Variants in GNA14 observed in about 807,000 individuals in gnomAD.
GNA14 encodes the protein G protein subunit alpha 14.
Under a neutral mutation model 42.0 loss-of-function variants are expected in GNA14, and 50 were observed. The observed-to-expected ratio is 1.19, with a 90% CI of 0.95 to 1.51. The LOEUF (loss-of-function observed/expected upper bound fraction) is 1.51, where lower values mean the gene tolerates loss of function less well. GNA14 is among the 40% of genes most tolerant of loss of function. GNA14 has a pLI of 0.00. For missense variants in GNA14, 473 were observed against 446.2 expected (o/e 1.06, Z -0.54); for synonymous variants, 173 against 163.1 (o/e 1.06, Z -0.46).
intron 2 of GNA14, among the ~76,000 whole-genome samples, chr9:77,512,392 T>C (rs1178453877): frequency 6.6e-6 from 1 of 152,218 alleles, no homozygotes; most frequent in Non-Finnish European, 1.5e-5. Flanking sequence ...TTATGTTTAA[T>C]GTTTTAATAA....
At chr9:77,488,106 TGA>T (rs1308567481) in intron 2 of GNA14, among the ~76,000 whole-genome samples, 1 of 152,106 alleles carries the variant, frequency 6.6e-6, no homozygotes, top group Admixed American at 6.5e-5. Context: ...TCACTCCACC[TGA>T]GAGAACAAAA....
intron 3 of GNA14, 93 bp downstream of exon 3, chr9:77,434,275 G>T (rs774600199): frequency 8.6e-5 from 102 of 1,186,842 alleles, no homozygotes; most frequent in Admixed American, 3.2e-4. Flanking sequence ...ACTGTGCACC[G>T]CATTTCAGCA....
intron 2 of GNA14, among the ~76,000 whole-genome samples, chr9:77,527,514 G>A (rs1452268661): frequency 6.6e-6 from 1 of 152,158 alleles, no homozygotes; most frequent in Non-Finnish European, 1.5e-5. Context: ...AAGCTCATCA[G>A]CTATTGTTAG....
At chr9:77,572,010 C>A (rs942944655) in intron 1 of GNA14, among the ~76,000 whole-genome samples, 1 of 151,862 alleles carries the variant, frequency 6.6e-6, no homozygotes, top group African/African-American at 2.4e-5. Flanking sequence ...TGGTTTCTAG[C>A]GATTTCAATT....
chr9:77,543,758 T>C (rs554710013), intron 1 of GNA14, among the ~76,000 whole-genome samples: 1 of 152,306 alleles, frequency 6.6e-6, no homozygotes, highest in Non-Finnish European at 1.5e-5. Flanking sequence ...TTCCCGTCAC[T>C]TCTCTGTTGA....
At chr9:77,453,056 C>T (rs1835943722) in intron 2 of GNA14, among the ~76,000 whole-genome samples, 3 of 152,186 alleles carry the variant, frequency 2.0e-5, no homozygotes, top group African/African-American at 7.2e-5. Context: ...AGGAGGATGG[C>T]GTCAGCCCAA....
chr9:77,516,314 C>T (rs1837256758), intron 2 of GNA14, among the ~76,000 whole-genome samples: 1 of 152,100 alleles, frequency 6.6e-6, no homozygotes, highest in African/African-American at 2.4e-5. Flanking sequence ...GTCTAAGTTT[C>T]CTAGGTGAAA....
chr9:77,568,119 G>C (rs2131794131), intron 1 of GNA14, among the ~76,000 whole-genome samples: 1 of 152,236 alleles, frequency 6.6e-6, no homozygotes, highest in African/African-American at 2.4e-5. Flanking sequence ...TCCCAGAGCA[G>C]GTCCTGGCTC....
intron 1 of GNA14, among the ~76,000 whole-genome samples, chr9:77,643,559 T>TA (rs1342379932): frequency 6.6e-6 from 1 of 152,150 alleles, no homozygotes; most frequent in African/African-American, 2.4e-5. Flanking sequence ...CTTTCTACCT[T>TA]AAAACTCACA....
At chr9:77,504,030 A>G (rs1490098468) in intron 2 of GNA14, among the ~76,000 whole-genome samples, 2 of 152,088 alleles carry the variant, frequency 1.3e-5, no homozygotes, top group African/African-American at 2.4e-5. Context: ...ATGTGTTTAA[A>G]AACAGGGAAG....
intron 2 of GNA14, among the ~76,000 whole-genome samples, chr9:77,478,013 G>A (rs561878382): frequency 6.9e-6 from 1 of 145,776 alleles, no homozygotes; most frequent in South Asian, 2.3e-4. Flanking sequence ...CAGAATGAGA[G>A]ACCTTTTTAA....
At chr9:77,595,422 C>G (rs1475381617) in intron 1 of GNA14, among the ~76,000 whole-genome samples, 3 of 151,978 alleles carry the variant, frequency 2.0e-5, no homozygotes, top group Non-Finnish European at 4.4e-5. Context: ...TGAGAACCAC[C>G]ATTTATTGAG....
intron 2 of GNA14, among the ~76,000 whole-genome samples, chr9:77,479,955 A>G (rs1374203047): frequency 2.0e-5 from 3 of 152,138 alleles, no homozygotes; most frequent in East Asian, 3.9e-4. Context: ...TTTGGGCTGA[A>G]ATGATGGGGT....
At chr9:77,431,472 C>T (rs757425340) in intron 3 of GNA14, 23 bp from the exon 4 acceptor site, 4 of 1,586,506 alleles carry the variant, frequency 2.5e-6, no homozygotes, top group Non-Finnish European at 3.4e-6. Flanking sequence ...GAACGAGGAA[C>T]TGACTCTCCT....
At chr9:77,607,083 T>G (rs1823654732) in intron 1 of GNA14, among the ~76,000 whole-genome samples, 1 of 152,118 alleles carries the variant, frequency 6.6e-6, no homozygotes, top group Non-Finnish European at 1.5e-5. Flanking sequence ...AGCCACCCAG[T>G]CTACGGTATT....
At chr9:77,490,685 C>T (rs900417075) in intron 2 of GNA14, among the ~76,000 whole-genome samples, 51 of 152,352 alleles carry the variant, frequency 3.3e-4, no homozygotes, top group Admixed American at 5.2e-4. Context: ...AGTGCGGGGC[C>T]TGCCAAGCCC....
At chr9:77,601,732 A>T (rs931108028) in intron 1 of GNA14, among the ~76,000 whole-genome samples, 8 of 152,198 alleles carry the variant, frequency 5.3e-5, no homozygotes, top group African/African-American at 1.2e-4. Context: ...GTTGTCTGGG[A>T]CAACATAGGT....
At chr9:77,565,480 CAG>C (rs1416414059) in intron 1 of GNA14, among the ~76,000 whole-genome samples, 3 of 152,104 alleles carry the variant, frequency 2.0e-5, no homozygotes, top group African/African-American at 7.2e-5. Flanking sequence ...ATTTTTGAGA[CAG>C]AGTCTCACTC....
chr9:77,441,007 C>T lies in GNA14; in HGVS notation c.310-6485G>A, dbSNP rs113954006. 8.7e-3 allele frequency among the ~76,000 whole-genome samples: 1,321 copies of T among 152,268 alleles called. 23 individuals carry two copies. The highest frequency in any genetic ancestry group is 0.03 in the African/African-American group (1,235 of 41,540). ...CTGGGACTACAGGCGTGAGCCACCGCGCCCAGCCTGCAATTTTCAAATATA... is the reference window on the plus strand; with the variant it reads ...CTGGGACTACAGGCGTGAGCCACCGTGCCCAGCCTGCAATTTTCAAATATA... On this transcript the variant is annotated intron_variant, in intron 2 of 6. Coordinates refer to ENST00000341700, the MANE Select transcript of GNA14 (RefSeq NM_004297.4).
Sources: allele counts gnomAD v4.1 joint callset (sites outside exome capture counted in the v4.1 genomes callset), GRCh38; gene constraint gnomAD v4.1.1; transcripts MANE v1.5; gene names NCBI Gene and HGNC (gene_info 2026-07-23, HGNC 2026-07-21).